ATXN1: variants seen among roughly 807,000 people sequenced by gnomAD.
ATXN1 encodes the protein ataxin 1, also known as ataxin-1.
A neutral mutation model predicts 56.4 loss-of-function variants in ATXN1; 8 were observed. The ratio of observed to expected loss-of-function variants is 0.14; its 90% CI spans 0.08 to 0.26. The LOEUF (loss-of-function observed/expected upper bound fraction) is 0.26, where lower values mean the gene tolerates loss of function less well. Ranked by LOEUF, ATXN1 falls within the 10% of genes least tolerant of loss-of-function variation. The pLI is 1.00. For synonymous variants in ATXN1, 514 were observed against 494.6 expected (o/e 1.04, Z -0.52); for missense variants, 987 against 1,106.5 (o/e 0.89, Z 1.53).
chr6:16,510,665 G>A (rs570536203), intron 5 of ATXN1, among the ~76,000 whole-genome samples: 35 of 152,260 alleles, frequency 2.3e-4, no homozygotes, highest in South Asian at 6.2e-4. Context: ...TGAACCCCAG[G>A]AGGTTGAGGC....
At chr6:16,639,883 G>A (rs1763676233) in intron 3 of ATXN1, among the ~76,000 whole-genome samples, 1 of 152,102 alleles carries the variant, frequency 6.6e-6, no homozygotes, top group South Asian at 2.1e-4. Flanking sequence ...CAGAAGTGGA[G>A]GCCTATGATT....
chr6:16,471,688 C>CGTGT (rs70999327), intron 6 of ATXN1, among the ~76,000 whole-genome samples: 3,391 of 149,344 alleles, frequency 0.023, 51 homozygotes, highest in Non-Finnish European at 0.03. Context: ...TGCATGCATG[C>CGTGT]GTGTGTGTGT....
rs57546158 is a variant in ATXN1, at chr6:16,595,043, G to A, written c.-488-9136C>T. Among the ~76,000 whole-genome samples the A allele has an allele frequency of 3.2e-4, 48 of 152,228 alleles. 1 individual carries two copies. The highest frequency in any genetic ancestry group is 1.1e-3 in the African/African-American group (46 of 41,540). On this transcript the variant is annotated intron_variant, in intron 3 of 7. Transcript: ENST00000436367. The stretch of plus-strand genomic sequence containing the variant: ...GTGGATACCAAAAGTGTCCAAAAAT[G>A]CCCTAGCGTACATGAAGTGCCAGGG...
At chr6:16,621,490 G>A (rs964006712) in intron 3 of ATXN1, among the ~76,000 whole-genome samples, 3 of 152,260 alleles carry the variant, frequency 2.0e-5, no homozygotes, top group African/African-American at 7.2e-5. Flanking sequence ...GGGAGGCCAA[G>A]GCAGGTGGAT....
chr6:16,583,293 C>T (rs1412680173), intron 4 of ATXN1, among the ~76,000 whole-genome samples: 1 of 152,214 alleles, frequency 6.6e-6, no homozygotes, highest in Non-Finnish European at 1.5e-5. Flanking sequence ...AAGGCAGAGG[C>T]TGAAGCCGTA....
intron 6 of ATXN1, among the ~76,000 whole-genome samples, chr6:16,393,790 G>A (rs7761845): frequency 0.18 from 27,333 of 152,156 alleles, 3,409 homozygotes; most frequent in African/African-American, 0.36. Flanking sequence ...GGCCAAGGTG[G>A]GAGGATCACG....
chr6:16,395,289 A>AAAC lies in ATXN1; in HGVS notation c.-160-66822_-160-66820dup, dbSNP rs1345923766. ...CCGTCTCAAAAAAAAAAAAAAAAAA[A>AAAC]AACAAGAACAAAAACAAAAACTCAT... On this transcript the variant is annotated intron_variant, in intron 6 of 7. Coordinates refer to ENST00000436367, the MANE Select transcript of ATXN1 (RefSeq NM_001128164.2). Among the ~76,000 whole-genome samples, 33 of 150,178 alleles carry AAAC rather than the reference A, an allele frequency of 2.2e-4. 1 individual carries two copies. Among genetic ancestry groups the AAAC allele is most frequent in the African/African-American group, 7.0e-4 (28 of 40,268 alleles).
In ATXN1 at chr6:16,327,061, T is replaced by C; in HGVS notation, c.1250A>G (p.His417Arg). The change falls in exon 7 of 8, where the codon CAT (histidine) becomes CGT (arginine). Residue 417 changes from histidine to arginine, a missense_variant. His to Arg is a conservative substitution (Grantham distance 29). Transcript: ENST00000436367. Reference sequence around the variant, plus strand: ...GGACCGGTGGCCAGGCTTCCCTAAATGCAGGCCACTTTTGTCGTTGAGGGT... The same window carrying C: ...GGACCGGTGGCCAGGCTTCCCTAAACGCAGGCCACTTTTGTCGTTGAGGGT... ...PSTLNDKSGL[H>R]LGKPGHRSYA... 6.2e-7 allele frequency: 1 copy of C among 1,614,006 alleles called. No individual in the cohort carries two copies. Among genetic ancestry groups the C allele is most frequent in the Non-Finnish European group, 8.5e-7 (1 of 1,180,004 alleles).
chr6:16,480,030 T>C lies in ATXN1; in HGVS notation c.-161+5942A>G, dbSNP rs57218395. Among the ~76,000 whole-genome samples, 877 of 151,878 alleles carry C rather than the reference T, an allele frequency of 5.8e-3. 5 individuals are homozygous for C. Among genetic ancestry groups the C allele is most frequent in the African/African-American group, 0.019 (807 of 41,388 alleles). ...AGCCGGGCATTGTGAGGCACACCTG[T>C]AATCCCAGCTACTTGGGAGGCTGAG... On this transcript the variant is annotated intron_variant, in intron 6 of 7. Coordinates refer to ENST00000436367, the MANE Select transcript of ATXN1 (RefSeq NM_001128164.2).
At chr6:16,350,110 A>G (rs1177740842) in intron 6 of ATXN1, among the ~76,000 whole-genome samples, 1 of 152,222 alleles carries the variant, frequency 6.6e-6, no homozygotes, top group Non-Finnish European at 1.5e-5. Context: ...ACTGTAATCT[A>G]AACAGGCAAT....
At chr6:16,484,168 C>T (rs1029695432) in intron 6 of ATXN1, among the ~76,000 whole-genome samples, 8 of 152,148 alleles carry the variant, frequency 5.3e-5, no homozygotes, top group Non-Finnish European at 8.8e-5. Context: ...GATGGTGGCT[C>T]ATGCCTGTAA....
intron 3 of ATXN1, among the ~76,000 whole-genome samples, chr6:16,609,717 A>C (rs1377289871): frequency 6.6e-6 from 1 of 152,222 alleles, no homozygotes. Flanking sequence ...AACTGGCAAC[A>C]TTGGGCTTAT....
chr6:16,584,615 T>A (rs1253586481), intron 4 of ATXN1, among the ~76,000 whole-genome samples: 1 of 151,604 alleles, frequency 6.6e-6, no homozygotes, highest in Non-Finnish European at 1.5e-5. Context: ...ACAGTACAAT[T>A]TACTTGACTT....
At chr6:16,635,534 G>A (rs940312340) in intron 3 of ATXN1, among the ~76,000 whole-genome samples, 5 of 152,104 alleles carry the variant, frequency 3.3e-5, no homozygotes, top group African/African-American at 1.2e-4. Context: ...GAAGTTCAAC[G>A]AGAGCTAACT....
At chr6:16,511,061 GA>G in intron 5 of ATXN1, among the ~76,000 whole-genome samples, 1 of 152,270 alleles carries the variant, frequency 6.6e-6, no homozygotes, top group African/African-American at 2.4e-5. Context: ...ATCCTCACTT[GA>G]TGTAGCAACA....
intron 7 of ATXN1, among the ~76,000 whole-genome samples, chr6:16,310,169 G>A (rs933358103): frequency 6.6e-6 from 1 of 151,782 alleles, no homozygotes; most frequent in African/African-American, 2.4e-5. Flanking sequence ...GAAGCCAGTA[G>A]ACAATGGAGA....
At chr6:16,672,200 C>CT (rs1038840492) in intron 2 of ATXN1, among the ~76,000 whole-genome samples, 1 of 152,206 alleles carries the variant, frequency 6.6e-6, no homozygotes, top group African/African-American at 2.4e-5. Context: ...ACGTTTCCCT[C>CT]TTGTTTACTC....
chr6:16,698,130 C>A (rs1321834110), intron 2 of ATXN1, among the ~76,000 whole-genome samples: 4 of 152,218 alleles, frequency 2.6e-5, no homozygotes, highest in Non-Finnish European at 5.9e-5. Flanking sequence ...AGCAGTGCCA[C>A]TACTCTGTGG....
At chr6:16,728,334 A>G (rs1759893508) in intron 2 of ATXN1, among the ~76,000 whole-genome samples, 1 of 152,192 alleles carries the variant, frequency 6.6e-6, no homozygotes, top group South Asian at 2.1e-4. Flanking sequence ...CGTCCCGGAG[A>G]AGTGGAGATT....
Sources: gnomAD v4.1 joint callset for allele counts (sites outside exome capture counted in the v4.1 genomes callset) on GRCh38, gnomAD v4.1.1 for gene constraint, MANE v1.5 for transcripts, NCBI Gene and HGNC (gene_info 2026-07-23, HGNC 2026-07-21) for gene names.